Variants in SPMIP8 observed in about 807,000 individuals in gnomAD.
SPMIP8 encodes testicular tissue protein Li 196.
chr16:57,978,725 C>CCCAT, the SPMIP8 span, among the ~76,000 whole-genome samples: 3 of 152,026 alleles, frequency 2.0e-5, no homozygotes, highest in African/African-American at 7.2e-5. Context: ...AAATGATCCT[C>CCCAT]CCATCTCAGC....
the SPMIP8 span, among the ~76,000 whole-genome samples, chr16:57,979,082 CA>C: frequency 6.6e-6 from 1 of 152,214 alleles, no homozygotes; most frequent in Non-Finnish European, 1.5e-5. Flanking sequence ...GCCTTCAGGG[CA>C]AAAGAGCCCC....
the SPMIP8 span, chr16:57,985,397 C>G: frequency 1.2e-6 from 2 of 1,609,596 alleles, no homozygotes; most frequent in Non-Finnish European, 1.7e-6. Flanking sequence ...ACCACGGTCT[C>G]TAGCAGGAAG....
chr16:57,986,596 T>TATTA, the SPMIP8 span: 1 of 151,712 alleles, frequency 6.6e-6, no homozygotes, highest in African/African-American at 2.4e-5. Flanking sequence ...TTATTATTAT[T>TATTA]ATTATTATTA....
chr16:57,980,531 T>A, the SPMIP8 span, among the ~76,000 whole-genome samples: 1 of 152,210 alleles, frequency 6.6e-6, no homozygotes, highest in East Asian at 1.9e-4. Flanking sequence ...ATCAAAGGCA[T>A]AGCTGTGGCT....
chr16:57,982,892 TG>T, the SPMIP8 span, among the ~76,000 whole-genome samples: 1 of 152,016 alleles, frequency 6.6e-6, no homozygotes, highest in African/African-American at 2.4e-5. Context: ...TAGCCAGGCA[TG>T]GTAGCACGCA....
At chr16:57,985,154 C>T in the SPMIP8 span, 1 of 1,333,026 alleles carries the variant, frequency 7.5e-7, no homozygotes, top group Non-Finnish European at 9.5e-7. Context: ...GGAGGCGGGG[C>T]TTGTCCTGGG....
the SPMIP8 span, among the ~76,000 whole-genome samples, chr16:57,981,529 T>G: frequency 1.6e-5 from 1 of 62,864 alleles, no homozygotes; most frequent in Admixed American, 1.4e-4. Flanking sequence ...TTTTTTTTTT[T>G]GAGACAGAGT....
the SPMIP8 span, chr16:57,985,318 G>A: frequency 9.4e-5 from 146 of 1,558,134 alleles, no homozygotes; most frequent in Non-Finnish European, 1.3e-4. Flanking sequence ...CGGGGGTCCT[G>A]GTGGGGAGCG....
the SPMIP8 span, chr16:57,976,741 TCAC>T: frequency 1.5e-6 from 2 of 1,324,498 alleles, no homozygotes; most frequent in Non-Finnish European, 2.1e-6. Context: ...CCATGCCTTG[TCAC>T]CATGCCCCCT....
At chr16:57,982,835 G>C in the SPMIP8 span, among the ~76,000 whole-genome samples, 2 of 152,196 alleles carry the variant, frequency 1.3e-5, no homozygotes, top group African/African-American at 4.8e-5. Context: ...TTCAAGACCA[G>C]CCTGGCCAAC....
the SPMIP8 span, chr16:57,985,130 C>T: frequency 1.3e-4 from 173 of 1,313,672 alleles, 2 homozygotes; most frequent in East Asian, 5.0e-3. Context: ...GGATTGTGGG[C>T]GGGGCTTAGA....
At chr16:57,982,760 T>G in the SPMIP8 span, among the ~76,000 whole-genome samples, 1 of 152,236 alleles carries the variant, frequency 6.6e-6, no homozygotes. Context: ...CCGGGCGCAG[T>G]GGCTCACGCC....
the SPMIP8 span, chr16:57,987,570 C>T: frequency 1.3e-5 from 11 of 878,670 alleles, no homozygotes; most frequent in African/African-American, 1.4e-4. Flanking sequence ...CTTAGAGACA[C>T]ACGCAATTGT....
At chr16:57,983,023 C>T in the SPMIP8 span, among the ~76,000 whole-genome samples, 1 of 152,112 alleles carries the variant, frequency 6.6e-6, no homozygotes, top group Non-Finnish European at 1.5e-5. Flanking sequence ...GAGCGAGACT[C>T]TGTCTCAAAA....
the SPMIP8 span, chr16:57,985,220 G>A: frequency 6.5e-7 from 1 of 1,545,760 alleles, no homozygotes; most frequent in Non-Finnish European, 8.7e-7. Context: ...GGGTCTCAGC[G>A]GCTACGCGGT....
chr16:57,976,949 T>C, the SPMIP8 span, among the ~76,000 whole-genome samples: 6 of 152,248 alleles, frequency 3.9e-5, no homozygotes, highest in Non-Finnish European at 7.3e-5. Context: ...AATGCTTTTC[T>C]AGTTTAAATA....
chr16:57,984,603 GCCGCGCGGGCCTGACCC>G, the SPMIP8 span: 1 of 1,519,114 alleles, frequency 6.6e-7, no homozygotes, highest in Non-Finnish European at 8.8e-7. Context: ...TGCGGCTACG[GCCGCGCGGGCCTGACCC>G]CCGTGGCCCT....
chr16:57,982,936 G>A, the SPMIP8 span, among the ~76,000 whole-genome samples: 17 of 152,204 alleles, frequency 1.1e-4, no homozygotes, highest in African/African-American at 2.9e-4. Flanking sequence ...AGGCTGAGGC[G>A]TGAGAATCGC....
At chr16:57,976,596 A>T in the SPMIP8 span, 1 of 1,614,110 alleles carries the variant, frequency 6.2e-7, no homozygotes, top group South Asian at 1.1e-5. Context: ...AAGCCTGTGC[A>T]CCTGGGCCTG....
Sources: gnomAD v4.1 joint callset for allele counts (sites outside exome capture counted in the v4.1 genomes callset) on GRCh38, gnomAD v4.1.1 for gene constraint, MANE v1.5 for transcripts, NCBI Gene and HGNC (gene_info 2026-07-23, HGNC 2026-07-21) for gene names.